Variants in LRRC39 observed in about 807,000 individuals in gnomAD.
LRRC39 encodes leucine rich repeat containing 39, also known as leucine-rich repeat-containing protein 39.
Under a neutral mutation model 39.7 loss-of-function variants are expected in LRRC39, and 35 were observed. That is an observed-to-expected ratio of 0.88 (90% CI 0.67 to 1.17). The LOEUF (loss-of-function observed/expected upper bound fraction) is 1.17. LRRC39 is among the 50% of genes most tolerant of loss of function. The probability of loss-of-function intolerance (pLI) is 0.00; values close to 1 mark genes in which losing one functional copy is unlikely to be tolerated. For missense variants in LRRC39, 357 were observed against 385.8 expected, an observed-to-expected ratio of 0.93 and a Z score of 0.62; for synonymous variants, 113 against 134.1, an observed-to-expected ratio of 0.84 and a Z score of 1.09.
At chr1:100,156,384 G>A in intron 6 of LRRC39, 67 bp from the exon 7 acceptor site, 1 of 1,404,354 alleles carries the variant, frequency 7.1e-7, no homozygotes, top group South Asian at 1.6e-5. Context: ...GACTCACATT[G>A]GTAAAGGAGA....
At chr1:100,167,250 G>T (rs1416499875) in intron 3 of LRRC39, among the ~76,000 whole-genome samples, 1 of 152,106 alleles carries the variant, frequency 6.6e-6, no homozygotes, top group African/African-American at 2.4e-5. Flanking sequence ...GCCTGGAAGT[G>T]CATCAGTCAT....
At position 100,159,412 on chromosome 1, in the gene LRRC39, G is replaced by C. The variant is rs199608257; in HGVS notation, c.223C>G (p.Leu75Val). The C allele has an allele frequency of 2.5e-6, 4 of 1,601,918 alleles. No individual in the cohort carries two copies. The highest frequency in any genetic ancestry group is 3.4e-6 in the Non-Finnish European group (4 of 1,174,792). ...LKIEKEEWKTLPSSLLKLNQL... is the reference protein window; with the variant it reads ...LKIEKEEWKTVPSSLLKLNQL... ...TTCAGTTTCAGCAGAGAAGAAGGGAGGGTCTACAGTAAAAGAAATGATGGT... is the reference window on the plus strand; with the variant it reads ...TTCAGTTTCAGCAGAGAAGAAGGGACGGTCTACAGTAAAAGAAATGATGGT... Residue 75 changes from leucine to valine, a missense_variant, in exon 5 of 10, where the codon CTC becomes GTC. Leu to Val is a conservative substitution (Grantham distance 32). Coordinates refer to ENST00000370137, the MANE Select transcript of LRRC39 (RefSeq NM_144620.4).
chr1:100,178,967 C>A (rs1660122339), upstream of LRRC39, among the ~76,000 whole-genome samples: 1 of 152,070 alleles, frequency 6.6e-6, no homozygotes, highest in Non-Finnish European at 1.5e-5. Flanking sequence ...GCCTATATCC[C>A]TTAAAAGCAC....
chr1:100,165,178 A>G (rs935040498), intron 3 of LRRC39, among the ~76,000 whole-genome samples: 1 of 152,196 alleles, frequency 6.6e-6, no homozygotes, highest in African/African-American at 2.4e-5. Flanking sequence ...TTGAAAAACT[A>G]CATTACACAA....
chr1:100,176,760 A>G (rs1462058976), intron 1 of LRRC39, among the ~76,000 whole-genome samples: 1 of 152,240 alleles, frequency 6.6e-6, no homozygotes, highest in Non-Finnish European at 1.5e-5. Flanking sequence ...CAGAAAACAG[A>G]AATTACATAG....
chr1:100,148,614 A>G lies in LRRC39; in HGVS notation c.*428T>C. 1 of 1,591,736 alleles carries G rather than the reference A, an allele frequency of 6.3e-7. No individual in the cohort carries two copies. The highest frequency in any genetic ancestry group is 1.2e-5 in the South Asian group (1 of 85,964). On this transcript the variant is annotated 3_prime_UTR_variant, in exon 10 of 10. Transcript: ENST00000370137. ...TTTTAACAATGTTTTGTGTGTGTTTATTCAATTTAGGCTTCTTAGTGTTGA... is the reference window on the plus strand; with the variant it reads ...TTTTAACAATGTTTTGTGTGTGTTTGTTCAATTTAGGCTTCTTAGTGTTGA...
intron 5 of LRRC39, 61 bp from the exon 6 acceptor site, chr1:100,158,428 A>C (rs1038644655): frequency 1.8e-5 from 27 of 1,486,968 alleles, no homozygotes; most frequent in Middle Eastern, 3.8e-4. Flanking sequence ...ATAGTTATTA[A>C]GGTATTACAG....
chr1:100,175,035 G>A (rs1418727375), intron 1 of LRRC39, among the ~76,000 whole-genome samples: 1 of 150,202 alleles, frequency 6.7e-6, no homozygotes, highest in Non-Finnish European at 1.5e-5. Flanking sequence ...CTTGCGGGAC[G>A]CAGGCTTCCC....
rs568772633 is a variant in LRRC39 at position 100,167,647 on chromosome 1, C to G, written c.113+757G>C. On this transcript the variant is annotated intron_variant, in intron 3 of 9. Transcript: ENST00000370137. Reference sequence around the variant, plus strand: ...AAAATTAGCTGAGTGTGGTGGCATGCGCCTGTAATCCTAGCTACTTGGAAG... The same window carrying G: ...AAAATTAGCTGAGTGTGGTGGCATGGGCCTGTAATCCTAGCTACTTGGAAG... 7.2e-4 allele frequency among the ~76,000 whole-genome samples: 109 copies of G among 151,892 alleles called. 1 individual carries two copies. The highest frequency in any genetic ancestry group is 2.6e-3 in the African/African-American group (106 of 41,430).
rs534784892 is a variant in LRRC39 at position 100,169,063 on chromosome 1, C to A, written c.-78-469G>T. The stretch of plus-strand genomic sequence containing the variant: ...TGTAAAATAAATTGCAAATGGATGA[C>A]GCAGTATTAAGGATTTTGACCTGAA... On this transcript the variant is annotated intron_variant, in intron 2 of 9. Transcript: ENST00000370137. Among the ~76,000 whole-genome samples the A allele has an allele frequency of 1.3e-3, 204 of 151,544 alleles. 1 individual carries two copies. The highest frequency in any genetic ancestry group is 2.5e-3 in the Non-Finnish European group (169 of 67,816).
intron 2 of LRRC39, among the ~76,000 whole-genome samples, chr1:100,172,361 A>T (rs1443372659): frequency 6.6e-6 from 1 of 152,208 alleles, no homozygotes; most frequent in Admixed American, 6.5e-5. Context: ...CCTAAACCAT[A>T]TACTGGCAAA....
In LRRC39 at chr1:100,158,257, T is replaced by C. The variant is rs781595212; in HGVS notation, c.487A>G (p.Arg163Gly). 2 of 1,614,036 alleles carry C rather than the reference T, an allele frequency of 1.2e-6. No individual in the cohort carries two copies. Among genetic ancestry groups the C allele is most frequent in the South Asian group, 1.1e-5 (1 of 91,074 alleles). Residue 163 changes from arginine to glycine, a missense_variant, in exon 6 of 10, where the codon AGA becomes GGA. Coordinates refer to ENST00000370137, the MANE Select transcript of LRRC39 (RefSeq NM_144620.4). ...TCTTGTGGAAGATCACATATATCTCTGTTAACAGCCAGTTCTAGTTTCTCC... is the reference window on the plus strand; with the variant it reads ...TCTTGTGGAAGATCACATATATCTCCGTTAACAGCCAGTTCTAGTTTCTCC... ...SLEKLELAVN[R>G]DICDLPQELS...
At chr1:100,157,194 C>T (rs755695427) in intron 6 of LRRC39, among the ~76,000 whole-genome samples, 48 of 152,100 alleles carry the variant, frequency 3.2e-4, no homozygotes, top group Non-Finnish European at 3.2e-4. Context: ...TTGAATTGTA[C>T]CTCCCATAAT....
chr1:100,175,046 C>G (rs1012974803), intron 1 of LRRC39, among the ~76,000 whole-genome samples: 44 of 150,590 alleles, frequency 2.9e-4, no homozygotes, highest in African/African-American at 1.0e-3. Flanking sequence ...CAGGCTTCCC[C>G]CTTTGCCTTC....
At chr1:100,163,588 CT>C in intron 3 of LRRC39, among the ~76,000 whole-genome samples, 1 of 144,914 alleles carries the variant, frequency 6.9e-6, no homozygotes, top group East Asian at 2.0e-4. Context: ...TCCTATACAG[CT>C]TTTTCTAAAA....
intron 3 of LRRC39, among the ~76,000 whole-genome samples, chr1:100,161,982 CA>C (rs1658912311): frequency 6.6e-6 from 1 of 152,118 alleles, no homozygotes; most frequent in African/African-American, 2.4e-5. Context: ...ATGCTGTTTC[CA>C]AAATGGTTGC....
intron 6 of LRRC39, 130 bp downstream of exon 6, chr1:100,158,101 T>C: frequency 9.8e-7 from 1 of 1,021,028 alleles, no homozygotes; most frequent in South Asian, 1.6e-5. Context: ...AAGGAAATGG[T>C]TTTCTCTAAA....
At chr1:100,164,589 A>G (rs1030798892) in intron 3 of LRRC39, among the ~76,000 whole-genome samples, 13 of 152,320 alleles carry the variant, frequency 8.5e-5, no homozygotes, top group Middle Eastern at 6.8e-3. Context: ...TTAAATTTCT[A>G]TGAATTTTCC....
In LRRC39 at chr1:100,148,483, T is replaced by C. The variant is rs1657576656; in HGVS notation, c.*559A>G. The C allele has an allele frequency of 9.4e-7, 1 of 1,061,570 alleles. No homozygotes were observed. Among genetic ancestry groups the C allele is most frequent in the Non-Finnish European group, 1.4e-6 (1 of 734,960 alleles). The allele number at this position is 1,061,570 out of a possible 1,614,324, so 65.8% of individuals were successfully genotyped here. On this transcript the variant is annotated 3_prime_UTR_variant, in exon 10 of 10. Transcript: ENST00000370137. ...ACATCTTTTATTGTGGTCATAAATA[T>C]AATGTGTCTTGGAAGCATGGGACAA... is the stretch of plus-strand genomic sequence containing the variant.
Sources: allele counts gnomAD v4.1 joint callset (sites outside exome capture counted in the v4.1 genomes callset), GRCh38; gene constraint gnomAD v4.1.1; transcripts MANE v1.5; gene names NCBI Gene and HGNC (gene_info 2026-07-23, HGNC 2026-07-21).